CHMP2B: variants seen among roughly 807,000 people sequenced by gnomAD.
CHMP2B encodes VPS2 homolog B.
Under a neutral mutation model 29.8 loss-of-function variants are expected in CHMP2B, and 22 were observed. The observed-to-expected ratio is 0.74, with a 90% CI of 0.53 to 1.05. CHMP2B has a LOEUF of 1.05. CHMP2B is among the 50% of genes least tolerant of loss of function. The pLI, the probability that CHMP2B is intolerant of heterozygous loss-of-function variation, is 0.00. For missense variants in CHMP2B, 261 were observed against 252.2 expected, an observed-to-expected ratio of 1.03 and a Z score of -0.24; for synonymous variants, 78 against 75.8, an observed-to-expected ratio of 1.03 and a Z score of -0.15.
At chr3:87,236,849 T>TCAAAA (rs1045487128) in intron 1 of CHMP2B, among the ~76,000 whole-genome samples, 6 of 151,516 alleles carry the variant, frequency 4.0e-5, no homozygotes, top group South Asian at 4.2e-4. Context: ...AAACTCCATC[T>TCAAAA]CAAAACAAAA....
intron 4 of CHMP2B, 156 bp from the exon 5 acceptor site, chr3:87,253,248 A>G (rs141626571): frequency 7.9e-6 from 5 of 634,378 alleles, no homozygotes; most frequent in East Asian, 5.8e-5. Flanking sequence ...GTATTTATCA[A>G]TTTACTTCAC....
intron 1 of CHMP2B, among the ~76,000 whole-genome samples, chr3:87,234,850 C>T (rs568626359): frequency 6.6e-6 from 1 of 152,264 alleles, no homozygotes; most frequent in South Asian, 2.1e-4. Context: ...ATTGAAAAAT[C>T]GGGGAAGTAG....
rs2106918197 is a variant in CHMP2B, at chr3:87,254,258, T to C, written c.*436T>C. On this transcript the variant is annotated 3_prime_UTR_variant, in exon 6 of 6. Coordinates refer to ENST00000263780, the MANE Select transcript of CHMP2B (RefSeq NM_014043.4). ...TTGTCTTTTGTAAGTGATTATGTGT[T>C]ATGACCATAGGTGGTTACAGCTGCC... 5.8e-6 allele frequency: 1 copy of C among 171,656 alleles called. No homozygotes were observed. Among genetic ancestry groups the C allele is most frequent in the African/African-American group, 2.4e-5 (1 of 41,720 alleles). 10.6% of individuals were successfully genotyped at this position (171,656 alleles called of 1,614,324 possible). A position where few individuals can be genotyped will look rare whatever the true frequency, so the allele number is the denominator to read the frequency against.
At chr3:87,233,560 C>G (rs529320485) in intron 1 of CHMP2B, among the ~76,000 whole-genome samples, 1 of 152,050 alleles carries the variant, frequency 6.6e-6, no homozygotes, top group Non-Finnish European at 1.5e-5. Context: ...GCTGAATTGA[C>G]GCTCACTCTG....
rs993365595 is a variant in CHMP2B at position 87,255,246 on chromosome 3, A to G, written c.*1424A>G. 1.3e-5 allele frequency: 2 copies of G among 152,474 alleles called. No homozygotes were observed. Among genetic ancestry groups the G allele is most frequent in the African/African-American group, 2.4e-5 (1 of 41,454 alleles). 9.4% of individuals were successfully genotyped at this position (152,474 alleles called of 1,614,324 possible). On this transcript the variant is annotated 3_prime_UTR_variant, in exon 6 of 6. Coordinates refer to ENST00000263780, the MANE Select transcript of CHMP2B (RefSeq NM_014043.4). Reference sequence around the variant, plus strand: ...CTAAACTGTATAGTTTATATTCCGTAAACCATTTTATAATGTTCAAAGATT... The same window carrying G: ...CTAAACTGTATAGTTTATATTCCGTGAACCATTTTATAATGTTCAAAGATT...
intron 2 of CHMP2B, among the ~76,000 whole-genome samples, chr3:87,242,067 T>G (rs949827983): frequency 2.0e-5 from 3 of 152,198 alleles, no homozygotes; most frequent in Admixed American, 1.3e-4. Context: ...CATCTTTTTA[T>G]ATACCTGTTT....
chr3:87,253,401 T>TAG lies in CHMP2B; in HGVS notation c.425-2_425-1dup. The TAG allele has an allele frequency of 6.4e-7, 1 of 1,560,834 alleles. No individual in the cohort carries two copies. Among genetic ancestry groups the TAG allele is most frequent in the Non-Finnish European group, 8.8e-7 (1 of 1,131,776 alleles). On this transcript the variant is annotated splice_region_variant and splice_polypyrimidine_tract_variant and intron_variant, in intron 4 of 5. Coordinates refer to ENST00000263780, the MANE Select transcript of CHMP2B (RefSeq NM_014043.4). ...GCTTTGCTCCTTCTCCCATATCCCC[T>TAG]AGTCAATGATACACTTGATGACATC... is the stretch of plus-strand genomic sequence containing the variant.
chr3:87,247,506 C>T (rs543590277), intron 3 of CHMP2B, among the ~76,000 whole-genome samples: 18 of 152,216 alleles, frequency 1.2e-4, no homozygotes, highest in African/African-American at 3.9e-4. Flanking sequence ...ATGGAAAGGA[C>T]ACTTAATTTG....
chr3:87,233,933 A>G (rs928793552), intron 1 of CHMP2B, among the ~76,000 whole-genome samples: 9 of 152,174 alleles, frequency 5.9e-5, no homozygotes, highest in Admixed American at 2.0e-4. Flanking sequence ...CACAGCATAC[A>G]GTATAGTGGC....
chr3:87,230,360 GA>G (rs1705883275), intron 1 of CHMP2B, among the ~76,000 whole-genome samples: 1 of 152,118 alleles, frequency 6.6e-6, no homozygotes, highest in African/African-American at 2.4e-5. Flanking sequence ...TATAAAATGA[GA>G]AAAGCAAAGG....
chr3:87,238,432 AAATCCTGT>A (rs1706054311), intron 1 of CHMP2B, among the ~76,000 whole-genome samples: 1 of 152,152 alleles, frequency 6.6e-6, no homozygotes, highest in Non-Finnish European at 1.5e-5. Context: ...CCTTAGAATA[AAATCCTGT>A]AACCATTAAG....
In CHMP2B at chr3:87,253,444, CGAA is replaced by C; in HGVS notation, c.472_474del (p.Glu158del). On this transcript the variant is annotated inframe_deletion, in exon 5 of 6. Coordinates refer to ENST00000263780, the MANE Select transcript of CHMP2B (RefSeq NM_014043.4). Reference sequence around the variant, plus strand: ...ATGACATCTTTGACGGTTCTGATGACGAAGAAGAAAGCCAGGATATTGTGAATC... The same window carrying C: ...ATGACATCTTTGACGGTTCTGATGACGAAGAAAGCCAGGATATTGTGAATC... 1 of 1,611,512 alleles carries C rather than the reference CGAA, an allele frequency of 6.2e-7. No individual in the cohort carries two copies.
At chr3:87,253,229 C>T in intron 4 of CHMP2B, 175 bp from the exon 5 acceptor site, 2 of 576,646 alleles carry the variant, frequency 3.5e-6, no homozygotes, top group Middle Eastern at 2.8e-4. Flanking sequence ...GATTTAATGG[C>T]TCAAATATGT....
rs778869364 is a variant in CHMP2B at position 87,249,887 on chromosome 3, G to A, written c.334G>A (p.Val112Ile). 6.3e-7 allele frequency: 1 copy of A among 1,599,588 alleles called. No individual in the cohort carries two copies. Among genetic ancestry groups the A allele is most frequent in the Non-Finnish European group, 8.6e-7 (1 of 1,168,512 alleles). ...MSTTAKTMQA[V>I]NKKMDPQKTL... ...AATACATTTAAAGACAATGCAGGCAGTTAACAAGAAGATGGATCCACAAAA... is the reference window on the plus strand; with the variant it reads ...AATACATTTAAAGACAATGCAGGCAATTAACAAGAAGATGGATCCACAAAA... Residue 112 changes from valine to isoleucine, a missense_variant, in exon 4 of 6, where the codon GTT (valine) becomes ATT (isoleucine). Physicochemically the swap from Val to Ile is conservative, Grantham distance 29. Transcript: ENST00000263780.
chr3:87,229,513 T>C (rs1705869735), intron 1 of CHMP2B, among the ~76,000 whole-genome samples: 2 of 152,204 alleles, frequency 1.3e-5, no homozygotes, highest in African/African-American at 4.8e-5. Flanking sequence ...ATCTGTATTT[T>C]CGTTATTTTG....
rs188652981 is a variant in CHMP2B at position 87,246,035 on chromosome 3, A to T, written c.321+127A>T. 6 of 703,386 alleles carry T rather than the reference A, an allele frequency of 8.5e-6. No individual in the cohort carries two copies. The East Asian group carries it at 1.1e-4, about 13-fold the overall frequency. 43.6% of individuals were successfully genotyped at this position (703,386 alleles called of 1,614,324 possible). A position where few individuals can be genotyped will look rare whatever the true frequency, so the allele number is the denominator to read the frequency against. On this transcript the variant is annotated intron_variant, in intron 3 of 5. Coordinates refer to ENST00000263780, the MANE Select transcript of CHMP2B (RefSeq NM_014043.4). ...ATACAAAATGTGTGTAATTTTTAGT[A>T]AAATGAGTTATAATACTAGATAATC...
At chr3:87,237,924 A>G (rs1706043580) in intron 1 of CHMP2B, among the ~76,000 whole-genome samples, 1 of 152,156 alleles carries the variant, frequency 6.6e-6, no homozygotes, top group Non-Finnish European at 1.5e-5. Flanking sequence ...CTATGGTTTC[A>G]TATTCCTGTA....
In CHMP2B at chr3:87,245,587, G is replaced by A. The variant is rs757039889; in HGVS notation, c.127-127G>A. ...TCTTTTGCTCTATGACTTTATAATAGCTTCTTCCCCTCTTCATGATCGGGG... is the reference window on the plus strand; with the variant it reads ...TCTTTTGCTCTATGACTTTATAATAACTTCTTCCCCTCTTCATGATCGGGG... On this transcript the variant is annotated intron_variant, in intron 2 of 5. Coordinates refer to ENST00000263780, the MANE Select transcript of CHMP2B (RefSeq NM_014043.4). 1.5e-4 allele frequency: 111 copies of A among 762,546 alleles called. 1 individual carries two copies. Among genetic ancestry groups the A allele is most frequent in the Non-Finnish European group, 2.0e-4 (94 of 468,294 alleles). The allele number at this position is 762,546 out of a possible 1,614,324, so 47.2% of individuals were successfully genotyped here. A position where few individuals can be genotyped will look rare whatever the true frequency, so the allele number is the denominator to read the frequency against.
Position 87,232,302 on chromosome 3 carries a change from C to CA in CHMP2B, c.34+4747dup, listed in dbSNP as rs1705923524. Reference sequence around the variant, plus strand: ...TTTCAATGTATTAGTTGTGATGCCACATTTCTGATGTTAAAAGGAAATAAA... The same window carrying CA: ...TTTCAATGTATTAGTTGTGATGCCACAATTTCTGATGTTAAAAGGAAATAAA... On this transcript the variant is annotated intron_variant, in intron 1 of 5. Coordinates refer to ENST00000263780, the MANE Select transcript of CHMP2B (RefSeq NM_014043.4). Among the ~76,000 whole-genome samples, 3 of 152,132 alleles carry CA rather than the reference C, an allele frequency of 2.0e-5. No individual in the cohort carries two copies. In the South Asian group the frequency reaches 6.2e-4, roughly 32 times the overall value.
Sources: gnomAD v4.1 joint callset for allele counts (sites outside exome capture counted in the v4.1 genomes callset) on GRCh38, gnomAD v4.1.1 for gene constraint, MANE v1.5 for transcripts, NCBI Gene and HGNC (gene_info 2026-07-23, HGNC 2026-07-21) for gene names.